The following ST18 variants were observed in gnomAD, a reference collection of about 807,000 sequenced individuals.
ST18 encodes ST18 C2H2C-type zinc finger transcription factor.
ST18 carries 50 observed loss-of-function variants against 110.0 expected under a neutral mutation model. The observed-to-expected ratio is 0.45, with a 90% confidence interval of 0.36 to 0.58. ST18 has a LOEUF of 0.58. Ranked by LOEUF, ST18 falls within the 20% of genes least tolerant of loss-of-function variation. ST18 has a pLI of 0.00. For missense variants in ST18, 1,306 were observed against 1,280.1 expected, an observed-to-expected ratio of 1.02 and a Z score of -0.31; for synonymous variants, 461 against 452.4, an observed-to-expected ratio of 1.02 and a Z score of -0.24.
intron 2 of ST18, among the ~76,000 whole-genome samples, chr8:52,332,767 C>T (rs968203116): frequency 1.3e-5 from 2 of 152,030 alleles, no homozygotes; most frequent in African/African-American, 4.8e-5. Context: ...GGGAGAATCG[C>T]TTGAACCTGG....
At chr8:52,156,740 C>G (rs953605094) in intron 15 of ST18, among the ~76,000 whole-genome samples, 3 of 152,172 alleles carry the variant, frequency 2.0e-5, no homozygotes, top group Non-Finnish European at 4.4e-5. Flanking sequence ...AATGTGTGCA[C>G]GTGCGTGTGT....
chr8:52,156,078 T>A (rs1195454347), intron 15 of ST18, among the ~76,000 whole-genome samples: 1 of 152,208 alleles, frequency 6.6e-6, no homozygotes, highest in East Asian at 1.9e-4. Context: ...CCACCATGCC[T>A]GCCCTGGATG....
chr8:52,301,778 T>C (rs1299795601), intron 2 of ST18: 1 of 152,188 alleles, frequency 6.6e-6, no homozygotes, highest in Non-Finnish European at 1.5e-5. Flanking sequence ...AGAAAAGCAA[T>C]TGAAAAATGA....
At chr8:52,264,567 C>T (rs1180721527) in intron 2 of ST18, among the ~76,000 whole-genome samples, 4 of 152,152 alleles carry the variant, frequency 2.6e-5, no homozygotes, top group African/African-American at 9.7e-5. Context: ...TTCTGAAACT[C>T]AAATACATTC....
chr8:52,323,641 C>G (rs886099715), intron 2 of ST18, among the ~76,000 whole-genome samples: 6 of 152,152 alleles, frequency 3.9e-5, no homozygotes, highest in Non-Finnish European at 8.8e-5. Flanking sequence ...GTATTTCCGA[C>G]TTGGTCTTGT....
At chr8:52,226,339 T>TTAACAAAATAC (rs1334371861) in intron 3 of ST18, among the ~76,000 whole-genome samples, 1 of 152,202 alleles carries the variant, frequency 6.6e-6, no homozygotes, top group Non-Finnish European at 1.5e-5. Flanking sequence ...ATGTGGTTTA[T>TTAACAAAATAC]TAACAAAATA....
At chr8:52,123,350 C>T (rs1368399938) in intron 23 of ST18, among the ~76,000 whole-genome samples, 1 of 152,148 alleles carries the variant, frequency 6.6e-6, no homozygotes, top group Admixed American at 6.5e-5. Flanking sequence ...TTTGATTTAA[C>T]ATTTTTAATG....
At chr8:52,154,075 A>T (rs911233751) in intron 15 of ST18, among the ~76,000 whole-genome samples, 53 of 152,246 alleles carry the variant, frequency 3.5e-4, no homozygotes, top group African/African-American at 1.2e-3. Context: ...GCACAGGGCT[A>T]AAAAGCCAAT....
chr8:52,300,079 T>C (rs2095694300), intron 2 of ST18, among the ~76,000 whole-genome samples: 1 of 152,238 alleles, frequency 6.6e-6, no homozygotes, highest in South Asian at 2.1e-4. Context: ...TTTTCAGCCT[T>C]CCGTTGATTC....
At chr8:52,289,879 AG>A (rs1352983813) in intron 2 of ST18, among the ~76,000 whole-genome samples, 12 of 152,130 alleles carry the variant, frequency 7.9e-5, no homozygotes, top group Admixed American at 7.8e-4. Flanking sequence ...CTCTTTGACA[AG>A]TCTTGCCCTT....
At chr8:52,123,087 C>T (rs2045625502) in intron 23 of ST18, among the ~76,000 whole-genome samples, 1 of 152,022 alleles carries the variant, frequency 6.6e-6, no homozygotes, top group Admixed American at 6.6e-5. Flanking sequence ...ATTTTATTAT[C>T]AAGGACTAGT....
intron 2 of ST18, among the ~76,000 whole-genome samples, chr8:52,389,473 A>C (rs1212866005): frequency 6.6e-6 from 1 of 152,200 alleles, no homozygotes; most frequent in Non-Finnish European, 1.5e-5. Context: ...TGGTGGGGTC[A>C]AGGCACATTC....
intron 22 of ST18, among the ~76,000 whole-genome samples, chr8:52,130,227 T>G (rs2049026891): frequency 6.6e-6 from 1 of 152,216 alleles, no homozygotes; most frequent in Non-Finnish European, 1.5e-5. Flanking sequence ...AATCAGAATT[T>G]TCTTTTTGTT....
chr8:52,211,595 C>T (rs1448365542), intron 8 of ST18, among the ~76,000 whole-genome samples: 4 of 151,764 alleles, frequency 2.6e-5, no homozygotes, highest in East Asian at 3.9e-4. Flanking sequence ...TTAGTAGAGT[C>T]GGGGTTTCGC....
At chr8:52,295,258 C>T (rs1390854271) in intron 2 of ST18, among the ~76,000 whole-genome samples, 2 of 152,162 alleles carry the variant, frequency 1.3e-5, no homozygotes, top group Non-Finnish European at 2.9e-5. Flanking sequence ...TGCTTGAACG[C>T]TTTATTTAAA....
chr8:52,281,753 T>C (rs775526386), intron 2 of ST18, among the ~76,000 whole-genome samples: 5 of 152,210 alleles, frequency 3.3e-5, no homozygotes, highest in Non-Finnish European at 7.3e-5. Context: ...GGAATCTGGA[T>C]GGATTTGGAG....
intron 2 of ST18, among the ~76,000 whole-genome samples, chr8:52,314,419 G>A (rs932308063): frequency 1.6e-4 from 25 of 152,154 alleles, no homozygotes; most frequent in Admixed American, 4.6e-4. Context: ...TAACAGCTGA[G>A]GTGTCTCACT....
Position 52,291,976 on chromosome 8 carries a change from T to C in ST18, c.-464-61899A>G, listed in dbSNP as rs2095563484. On this transcript the variant is annotated intron_variant, in intron 2 of 25. Coordinates refer to ENST00000689386, the MANE Select transcript of ST18 (RefSeq NM_001352837.2). ...TTTTTGTACAGACGGGGTTTCACCATGTTGCCAAGGCTGGTCTCAAACTCC... is the reference window on the plus strand; with the variant it reads ...TTTTTGTACAGACGGGGTTTCACCACGTTGCCAAGGCTGGTCTCAAACTCC... Among the ~76,000 whole-genome samples the C allele has an allele frequency of 5.9e-5, 9 of 152,318 alleles. No homozygotes were observed. The South Asian group carries it at 1.9e-3, about 32-fold the overall frequency.
intron 2 of ST18, among the ~76,000 whole-genome samples, chr8:52,245,159 C>T (rs993972066): frequency 4.6e-5 from 7 of 152,122 alleles, no homozygotes; most frequent in African/African-American, 1.4e-4. Context: ...CATTCTAATT[C>T]ATACCAAGTA....
Sources: allele counts gnomAD v4.1 joint callset (sites outside exome capture counted in the v4.1 genomes callset), GRCh38; gene constraint gnomAD v4.1.1; transcripts MANE v1.5; gene names NCBI Gene and HGNC (gene_info 2026-07-23, HGNC 2026-07-21).